Variants in CHD6 observed in about 807,000 individuals in gnomAD.
CHD6 encodes the protein ATP-dependent chromatin remodeler CHD6.
A neutral mutation model predicts 276.9 loss-of-function variants in CHD6; 50 were observed. The ratio of observed to expected loss-of-function variants is 0.18; its 90% CI spans 0.14 to 0.23. The LOEUF (loss-of-function observed/expected upper bound fraction) is 0.23, where lower values mean the gene tolerates loss of function less well. Ranked by LOEUF, CHD6 falls within the 10% of genes least tolerant of loss-of-function variation. The pLI is 1.00. For synonymous variants in CHD6, 1,173 were observed against 1,229.3 expected (o/e 0.95, Z 0.96); for missense variants, 2,564 against 3,365.8 (o/e 0.76, Z 5.89).
intron 1 of CHD6, among the ~76,000 whole-genome samples, chr20:41,557,651 T>C (rs1158892288): frequency 6.6e-6 from 1 of 152,196 alleles, no homozygotes; most frequent in African/African-American, 2.4e-5. Context: ...CAAGAGTGTG[T>C]GTTTTTGCAA....
In CHD6 at chr20:41,491,805, T is replaced by G. The variant is rs1237018006; in HGVS notation, c.1329A>C (p.Ser443=). Residue 443 remains serine, a synonymous_variant, in exon 11 of 37, where the codon TCA becomes TCC. Transcript: ENST00000373233. ...PEIKHVERPA[S]DSWQKLEKSR... ...ACTTCTCAAGTTTCTGCCAGGAGTC[T>G]GAAGCAGGCCGCTCCTAGGGAGGAA... 2 of 1,613,794 alleles carry G rather than the reference T, an allele frequency of 1.2e-6. No individual in the cohort carries two copies. The highest frequency in any genetic ancestry group is 2.7e-5 in the African/African-American group (2 of 74,910).
intron 35 of CHD6, among the ~76,000 whole-genome samples, 161 bp from the exon 36 acceptor site, chr20:41,412,424 A>G (rs905447767): frequency 6.6e-6 from 1 of 152,212 alleles, no homozygotes; most frequent in African/African-American, 2.4e-5. Flanking sequence ...GGCTTCACCT[A>G]GGCTTTCTCT....
At chr20:41,507,234 A>C (rs1175602417) in intron 5 of CHD6, among the ~76,000 whole-genome samples, 1 of 152,232 alleles carries the variant, frequency 6.6e-6, no homozygotes, top group Admixed American at 6.5e-5. Context: ...TTTGATTACA[A>C]TTCAGAATAT....
At position 41,404,540 on chromosome 20, in the gene CHD6, T is replaced by G; in HGVS notation, c.*53A>C. On this transcript the variant is annotated 3_prime_UTR_variant, in exon 37 of 37. Transcript: ENST00000373233. The stretch of plus-strand genomic sequence containing the variant: ...GGTGAAGTGAGGGAAGTAACAAACC[T>G]TTATGGGATAAGAAACTTACAAGTC... The G allele has an allele frequency of 6.8e-7, 1 of 1,464,352 alleles. No homozygotes were observed. Among genetic ancestry groups the G allele is most frequent in the Non-Finnish European group, 9.0e-7 (1 of 1,106,460 alleles). The allele number at this position is 1,464,352 out of a possible 1,614,324, so 90.7% of individuals were successfully genotyped here.
intron 24 of CHD6, among the ~76,000 whole-genome samples, 178 bp from the exon 25 acceptor site, chr20:41,445,946 G>A (rs2048053963): frequency 6.6e-6 from 1 of 152,236 alleles, no homozygotes; most frequent in Non-Finnish European, 1.5e-5. Flanking sequence ...CTTAGGCAGT[G>A]ATTTAAGCAT....
Position 41,548,470 on chromosome 20 carries a change from T to G in CHD6, c.33+2835A>C, listed in dbSNP as rs2045086100. 2.0e-5 allele frequency among the ~76,000 whole-genome samples: 3 copies of G among 152,172 alleles called. No individual in the cohort carries two copies. In the South Asian group the frequency reaches 6.2e-4, roughly 32 times the overall value. ...TTGATTTAAATAAATGCTTATCTCCTTACACCTTATACAAAAATTAATTCA... is the reference window on the plus strand; with the variant it reads ...TTGATTTAAATAAATGCTTATCTCCGTACACCTTATACAAAAATTAATTCA... On this transcript the variant is annotated intron_variant, in intron 2 of 36. Coordinates refer to ENST00000373233, the MANE Select transcript of CHD6 (RefSeq NM_032221.5).
intron 1 of CHD6, among the ~76,000 whole-genome samples, chr20:41,616,397 C>T (rs1180630503): frequency 6.6e-6 from 1 of 152,214 alleles, no homozygotes; most frequent in Non-Finnish European, 1.5e-5. Flanking sequence ...TGTGATACCA[C>T]ACTGAAGCAC....
intron 30 of CHD6, among the ~76,000 whole-genome samples, chr20:41,423,102 CAT>C: frequency 6.6e-6 from 1 of 152,078 alleles, no homozygotes; most frequent in Admixed American, 6.5e-5. Flanking sequence ...TACAAGTCGA[CAT>C]GTGAGGAAAT....
chr20:41,547,155 C>A (rs1269107421), intron 2 of CHD6, among the ~76,000 whole-genome samples: 1 of 152,142 alleles, frequency 6.6e-6, no homozygotes, highest in African/African-American at 2.4e-5. Flanking sequence ...ACTTCTAACA[C>A]CTCAGAATCA....
chr20:41,446,418 G>C (rs1215072288), intron 24 of CHD6, among the ~76,000 whole-genome samples: 3 of 144,704 alleles, frequency 2.1e-5, no homozygotes, highest in East Asian at 4.1e-4. Context: ...AGACATGCAG[G>C]TGTTAGCCCC....
At chr20:41,603,883 C>CAA (rs757355768) in intron 1 of CHD6, among the ~76,000 whole-genome samples, 10 of 151,904 alleles carry the variant, frequency 6.6e-5, no homozygotes, top group Non-Finnish European at 1.2e-4. Context: ...CAAAACAAAA[C>CAA]AAAAAAGAAT....
intron 1 of CHD6, among the ~76,000 whole-genome samples, chr20:41,578,677 A>T (rs560356728): frequency 3.5e-5 from 5 of 142,758 alleles, no homozygotes; most frequent in Admixed American, 3.5e-4. Flanking sequence ...AGAGTGACAA[A>T]GTGAGACTCC....
chr20:41,616,982 C>A (rs2045939765), intron 1 of CHD6, among the ~76,000 whole-genome samples: 1 of 152,100 alleles, frequency 6.6e-6, no homozygotes, highest in Non-Finnish European at 1.5e-5. Flanking sequence ...CCAAACGCCA[C>A]AAACATATTT....
intron 3 of CHD6, among the ~76,000 whole-genome samples, chr20:41,525,976 C>T (rs1404010674): frequency 6.6e-6 from 1 of 152,114 alleles, no homozygotes; most frequent in Non-Finnish European, 1.5e-5. Context: ...TGACACTTTG[C>T]TTCCTTTCCC....
intron 1 of CHD6, among the ~76,000 whole-genome samples, chr20:41,617,795 A>T (rs1441854701): frequency 6.6e-6 from 1 of 150,744 alleles, no homozygotes; most frequent in Non-Finnish European, 1.5e-5. Flanking sequence ...CTCCCGGAAC[A>T]GCAGCCTGGC....
intron 17 of CHD6, among the ~76,000 whole-genome samples, chr20:41,472,197 C>T (rs1389719704): frequency 6.6e-6 from 1 of 151,392 alleles, no homozygotes; most frequent in African/African-American, 2.4e-5. Flanking sequence ...GCTGAGATTG[C>T]CGCACTGCAT....
intron 1 of CHD6, among the ~76,000 whole-genome samples, chr20:41,599,352 T>G (rs771879732): frequency 6.6e-6 from 1 of 152,104 alleles, no homozygotes; most frequent in African/African-American, 2.4e-5. Context: ...AGCAAATGAA[T>G]TAGCCGAAAA....
intron 24 of CHD6, among the ~76,000 whole-genome samples, chr20:41,447,313 C>T: frequency 6.6e-6 from 1 of 152,340 alleles, no homozygotes; most frequent in African/African-American, 2.4e-5. Flanking sequence ...CTGGTGATCC[C>T]ATTTATAAAC....
At chr20:41,435,471 G>A (rs1013360) in intron 27 of CHD6, among the ~76,000 whole-genome samples, 10,547 of 152,014 alleles carry the variant, frequency 0.069, 491 homozygotes, top group Non-Finnish European at 0.097. Context: ...AGGTGTGGTG[G>A]TATGCACCTG....
Sources: gnomAD v4.1 joint callset for allele counts (sites outside exome capture counted in the v4.1 genomes callset) on GRCh38, gnomAD v4.1.1 for gene constraint, MANE v1.5 for transcripts, NCBI Gene and HGNC (gene_info 2026-07-23, HGNC 2026-07-21) for gene names.